POU3F3: variants seen among roughly 807,000 people sequenced by gnomAD.
The protein encoded by POU3F3 is POU class 3 homeobox 3.
POU3F3 carries 1 observed loss-of-function variant against 8.6 expected under a neutral mutation model. The ratio of observed to expected loss-of-function variants is 0.12; its 90% CI spans 0.04 to 0.55. The LOEUF is 0.55. Among genes scored for constraint, POU3F3 ranks in the 20% least tolerant of loss-of-function variants. POU3F3 has a pLI of 0.91. For synonymous variants in POU3F3, 418 were observed against 327.4 expected (o/e 1.28, Z -2.99); for missense variants, 577 against 690.7 (o/e 0.84, Z 1.84).
the POU3F3 span, among the ~76,000 whole-genome samples, chr2:104,924,620 C>G: frequency 6.6e-6 from 1 of 152,208 alleles, no homozygotes; most frequent in Admixed American, 6.5e-5. Flanking sequence ...CGATCCTTCT[C>G]CTTTATAATC....
chr2:104,858,415 T>G lies in POU3F3; in HGVS notation c.*1402T>G, dbSNP rs1676616228. On this transcript the variant is annotated 3_prime_UTR_variant, in exon 1 of 1. Transcript: ENST00000361360. ...AATTTATTTTTCCCCAGATCTTGTA[T>G]TACGTGTTTTTTTCAGACGAGCACA... 1 of 152,230 alleles carries G rather than the reference T, an allele frequency of 6.6e-6. No individual in the cohort carries two copies. Among genetic ancestry groups the G allele is most frequent in the Non-Finnish European group, 1.5e-5 (1 of 68,046 alleles). 9.4% of individuals were successfully genotyped at this position (152,230 alleles called of 1,614,324 possible).
the POU3F3 span, among the ~76,000 whole-genome samples, chr2:104,868,691 T>G: frequency 1.3e-5 from 2 of 152,128 alleles, no homozygotes; most frequent in African/African-American, 2.4e-5. Context: ...TGCTCTGAAA[T>G]TCCAGCTGGC....
At chr2:104,881,192 T>C in the POU3F3 span, among the ~76,000 whole-genome samples, 1 of 151,100 alleles carries the variant, frequency 6.6e-6, no homozygotes, top group Non-Finnish European at 1.5e-5. Flanking sequence ...AAGGTCTCTC[T>C]CTGTTGCCCA....
the POU3F3 span, among the ~76,000 whole-genome samples, chr2:104,908,518 G>C: frequency 6.6e-6 from 1 of 152,162 alleles, no homozygotes; most frequent in Non-Finnish European, 1.5e-5. Flanking sequence ...CCTTGTCCAA[G>C]GAGAAAGGAG....
rs762770245 is a variant in POU3F3, at chr2:104,855,531, C to T, written c.21C>T (p.Asn7=). MATAAS[N]PYLPGNSLLA... ...GCGGCATGGCCACGGCGGCTTCTAA[C>T]CCCTACCTGCCGGGGAACAGCCTGC... Residue 7 remains asparagine, a synonymous_variant, in exon 1 of 1, where the codon AAC becomes AAT. Transcript: ENST00000361360. The T allele has an allele frequency of 3.2e-3, 3,292 of 1,045,068 alleles. 5 individuals are homozygous for T. Among genetic ancestry groups the T allele is most frequent in the Non-Finnish European group, 3.6e-3 (3,140 of 864,224 alleles). The allele number at this position is 1,045,068 out of a possible 1,614,324, so 64.7% of individuals were successfully genotyped here.
At chr2:104,886,826 T>C in the POU3F3 span, among the ~76,000 whole-genome samples, 2 of 152,246 alleles carry the variant, frequency 1.3e-5, no homozygotes, top group East Asian at 1.9e-4. Context: ...GAGAATCACT[T>C]GAACCTGGAA....
At chr2:104,870,349 C>T in the POU3F3 span, among the ~76,000 whole-genome samples, 1 of 152,222 alleles carries the variant, frequency 6.6e-6, no homozygotes, top group Non-Finnish European at 1.5e-5. Flanking sequence ...AGAGGCCACC[C>T]AGTGCTCAAA....
At chr2:104,889,169 G>T in the POU3F3 span, among the ~76,000 whole-genome samples, 1 of 152,212 alleles carries the variant, frequency 6.6e-6, no homozygotes, top group African/African-American at 2.4e-5. Flanking sequence ...CACAAAAAAA[G>T]AGATAGTATT....
chr2:104,903,599 G>A, the POU3F3 span, among the ~76,000 whole-genome samples: 2 of 152,128 alleles, frequency 1.3e-5, no homozygotes, highest in African/African-American at 4.8e-5. Context: ...ATTTATTTGA[G>A]GTAAACTCTC....
the POU3F3 span, among the ~76,000 whole-genome samples, chr2:104,878,031 G>C: frequency 6.6e-6 from 1 of 152,170 alleles, no homozygotes; most frequent in South Asian, 2.1e-4. Context: ...TGGGAAGAAG[G>C]ACAGGTTCCT....
At chr2:104,868,882 G>A in the POU3F3 span, among the ~76,000 whole-genome samples, 1 of 152,230 alleles carries the variant, frequency 6.6e-6, no homozygotes, top group South Asian at 2.1e-4. Flanking sequence ...AATCTTCAAA[G>A]ATTTTCTATG....
the POU3F3 span, among the ~76,000 whole-genome samples, chr2:104,883,987 C>T: frequency 6.6e-6 from 1 of 152,128 alleles, no homozygotes; most frequent in East Asian, 1.9e-4. Flanking sequence ...ACTCTCACTT[C>T]CCTAGGTGAG....
chr2:104,912,976 T>G, the POU3F3 span, among the ~76,000 whole-genome samples: 1 of 152,252 alleles, frequency 6.6e-6, no homozygotes, highest in Admixed American at 6.5e-5. Context: ...TTCATACTAC[T>G]TGAATTATTA....
At chr2:104,920,759 G>T in the POU3F3 span, among the ~76,000 whole-genome samples, 1 of 152,044 alleles carries the variant, frequency 6.6e-6, no homozygotes, top group Non-Finnish European at 1.5e-5. Context: ...ATGTAGAAGG[G>T]CTCTAAAATA....
the POU3F3 span, among the ~76,000 whole-genome samples, chr2:104,901,752 G>A: frequency 1.6e-3 from 243 of 152,366 alleles, 6 homozygotes; most frequent in East Asian, 0.04. Context: ...GAGGGAGTTA[G>A]CAGTGGAGCT....
the POU3F3 span, among the ~76,000 whole-genome samples, chr2:104,922,469 A>G: frequency 6.6e-6 from 1 of 152,010 alleles, no homozygotes; most frequent in Admixed American, 6.6e-5. Context: ...TGAAAATATC[A>G]ATAGAAGAAA....
rs1558702991 is a variant in POU3F3 at position 104,855,746 on chromosome 2, AG to A, written c.241del (p.Ala81ProfsTer11). 1.2e-5 allele frequency: 16 copies of A among 1,303,608 alleles called. No homozygotes were observed. The highest frequency in any genetic ancestry group is 1.0e-4 in the East Asian group (2 of 19,778). 80.8% of individuals were successfully genotyped at this position (1,303,608 alleles called of 1,614,324 possible). A position where few individuals can be genotyped will look rare whatever the true frequency, so the allele number is the denominator to read the frequency against. ...AAGATGGTCCAGAGCGACTTCATGCAGGGGGCCATGGCCGCCAGCAACGGCG... is the reference window on the plus strand; with the variant it reads ...AAGATGGTCCAGAGCGACTTCATGCAGGGGCCATGGCCGCCAGCAACGGCG... ...SVKMVQSDFM[Q>X]GAMAASNGGH... On this transcript the variant is annotated frameshift_variant, in exon 1 of 1. Transcript: ENST00000361360. LOFTEE classifies it low-confidence loss of function (END_TRUNC).
chr2:104,911,042 G>A, the POU3F3 span, among the ~76,000 whole-genome samples: 1 of 152,118 alleles, frequency 6.6e-6, no homozygotes, highest in Non-Finnish European at 1.5e-5. Context: ...AGGGACTTGA[G>A]TATTCATGGA....
chr2:104,896,519 C>T, the POU3F3 span, among the ~76,000 whole-genome samples: 4 of 152,352 alleles, frequency 2.6e-5, no homozygotes, highest in South Asian at 8.3e-4. Context: ...TTCACCCATA[C>T]TTTTGTAATA....
Sources: allele counts gnomAD v4.1 joint callset (sites outside exome capture counted in the v4.1 genomes callset), GRCh38; gene constraint gnomAD v4.1.1; transcripts MANE v1.5; gene names NCBI Gene and HGNC (gene_info 2026-07-23, HGNC 2026-07-21).